The following THADA variants were observed in gnomAD, a reference collection of about 807,000 sequenced individuals.
THADA encodes the protein tRNA (32-2'-O)-methyltransferase regulator THADA.
In THADA, 213 loss-of-function variants were observed where a neutral mutation model predicts 219.8. The ratio of observed to expected loss-of-function variants is 0.97; its 90% CI spans 0.87 to 1.09. The LOEUF is 1.09. THADA is among the 50% of genes least tolerant of loss of function. The pLI, the probability that THADA is intolerant of heterozygous loss-of-function variation, is 0.00. For synonymous variants in THADA, 1,018 were observed against 828.9 expected (o/e 1.23, Z -3.92); for missense variants, 2,956 against 2,311.3 (o/e 1.28, Z -5.72).
At chr2:43,329,944 C>T (rs1416611413) in intron 30 of THADA, among the ~76,000 whole-genome samples, 1 of 152,202 alleles carries the variant, frequency 6.6e-6, no homozygotes, top group Non-Finnish European at 1.5e-5. Flanking sequence ...TTTATGTTTA[C>T]ACTTCCATTA....
rs1678566410 is a variant in THADA, at chr2:43,320,427, G to A, written c.4438+19C>T. On this transcript the variant is annotated intron_variant, in intron 31 of 37. Coordinates refer to ENST00000405975, the MANE Select transcript of THADA (RefSeq NM_022065.5). Reference sequence around the variant, plus strand: ...AGATGTGTAACGATTCCAAAATACAGTATAACTATGAATCATACCTGGCTG... The same window carrying A: ...AGATGTGTAACGATTCCAAAATACAATATAACTATGAATCATACCTGGCTG... The A allele has an allele frequency of 6.3e-7, 1 of 1,590,558 alleles. No individual in the cohort carries two copies.
chr2:43,316,055 C>G (rs191350432), intron 31 of THADA, among the ~76,000 whole-genome samples: 2 of 152,270 alleles, frequency 1.3e-5, no homozygotes, highest in Admixed American at 1.3e-4. Context: ...GTCCCTAGTG[C>G]TCTGAAGGCT....
Position 43,391,563 on chromosome 2 carries a change from G to C in THADA, c.4227+6408C>G, listed in dbSNP as rs560579109. 2.0e-5 allele frequency among the ~76,000 whole-genome samples: 3 copies of C among 152,168 alleles called. No homozygotes were observed. In the East Asian group the frequency reaches 5.8e-4, roughly 29 times the overall value. On this transcript the variant is annotated intron_variant, in intron 29 of 37. Transcript: ENST00000405975. ...GCTTATATCCAGAAAGGAATATATT[G>C]CCAAAAGGTAAGATTTAACAAGGTT...
At chr2:43,575,844 T>C (rs932356684) in intron 10 of THADA, among the ~76,000 whole-genome samples, 7 of 152,150 alleles carry the variant, frequency 4.6e-5, no homozygotes, top group Non-Finnish European at 1.0e-4. Flanking sequence ...CCTACACATG[T>C]AATTTAAAAG....
chr2:43,283,282 T>C (rs1215633216), intron 35 of THADA, among the ~76,000 whole-genome samples: 2 of 152,216 alleles, frequency 1.3e-5, no homozygotes, highest in East Asian at 1.9e-4. Flanking sequence ...GATAGTTCTA[T>C]ATAGGAGTGT....
chr2:43,239,558 C>G (rs1026462728), intron 36 of THADA, among the ~76,000 whole-genome samples: 1 of 152,262 alleles, frequency 6.6e-6, no homozygotes, highest in African/African-American at 2.4e-5. Flanking sequence ...AAGTGGATGT[C>G]TTCCAGGTGC....
At chr2:43,581,578 A>AC (rs1399032384) in intron 8 of THADA, among the ~76,000 whole-genome samples, 163 bp downstream of exon 8, 1 of 150,984 alleles carries the variant, frequency 6.6e-6, no homozygotes, top group East Asian at 1.9e-4. Flanking sequence ...AAAAAAAAAA[A>AC]CCATGTAGTC....
chr2:43,551,530 A>G (rs1217008266), intron 19 of THADA, among the ~76,000 whole-genome samples: 1 of 150,820 alleles, frequency 6.6e-6, no homozygotes, highest in African/African-American at 2.4e-5. Flanking sequence ...CTTATACAGT[A>G]TTATATAACT....
chr2:43,490,873 T>C (rs990217858), intron 25 of THADA, among the ~76,000 whole-genome samples: 1 of 152,102 alleles, frequency 6.6e-6, no homozygotes, highest in African/African-American at 2.4e-5. Flanking sequence ...TGCATCCTCC[T>C]CAAATTTGAG....
chr2:43,305,197 C>T (rs1343062944), intron 31 of THADA, among the ~76,000 whole-genome samples: 1 of 151,620 alleles, frequency 6.6e-6, no homozygotes, highest in South Asian at 2.2e-4. Context: ...GAAAAGGAAA[C>T]CATAGGAACA....
chr2:43,507,110 T>C, intron 23 of THADA, among the ~76,000 whole-genome samples: 1 of 152,194 alleles, frequency 6.6e-6, no homozygotes, highest in East Asian at 1.9e-4. Flanking sequence ...AATATAACTT[T>C]ATTAGTAAGT....
At chr2:43,407,038 G>T (rs927756228) in intron 28 of THADA, among the ~76,000 whole-genome samples, 2 of 152,192 alleles carry the variant, frequency 1.3e-5, no homozygotes, top group African/African-American at 4.8e-5. Flanking sequence ...AATAACACTT[G>T]GCCCCTCAGC....
intron 31 of THADA, among the ~76,000 whole-genome samples, chr2:43,311,216 G>A (rs769492810): frequency 2.0e-5 from 3 of 150,992 alleles, no homozygotes; most frequent in Non-Finnish European, 4.4e-5. Flanking sequence ...AATGCGCAAA[G>A]GATCTGAAGA....
At chr2:43,290,344 C>T (rs928967454) in intron 34 of THADA, among the ~76,000 whole-genome samples, 3 of 151,984 alleles carry the variant, frequency 2.0e-5, no homozygotes, top group Non-Finnish European at 4.4e-5. Flanking sequence ...CTCCACCCCA[C>T]CTGACTTTTC....
chr2:43,580,407 AAC>A (rs70965304), intron 8 of THADA, among the ~76,000 whole-genome samples: 26,752 of 152,018 alleles, frequency 0.18, 2,541 homozygotes, highest in Middle Eastern at 0.23. Context: ...TTTTTAGACT[AAC>A]ACAGTCCTCT....
intron 4 of THADA, 105 bp from the exon 5 acceptor site, chr2:43,587,107 A>C: frequency 8.3e-7 from 1 of 1,204,602 alleles, no homozygotes; most frequent in East Asian, 2.6e-5. Flanking sequence ...CTAAATCTTC[A>C]AAATACAGCC....
rs1437083136 is a variant in THADA, at chr2:43,545,613, T to C, written c.3106+3597A>G. Among the ~76,000 whole-genome samples, 4 of 152,250 alleles carry C rather than the reference T, an allele frequency of 2.6e-5. 1 individual carries two copies. Among genetic ancestry groups the C allele is most frequent in the Admixed American group, 2.6e-4 (4 of 15,286 alleles). Reference sequence around the variant, plus strand: ...TGGTTTAGTCGTGGGAGGGTGTATGTGTCGAGGAATTTATCCATTTCTTCT... The same window carrying C: ...TGGTTTAGTCGTGGGAGGGTGTATGCGTCGAGGAATTTATCCATTTCTTCT... On this transcript the variant is annotated intron_variant, in intron 20 of 37. Transcript: ENST00000405975.
chr2:43,310,230 C>A (rs1328804042), intron 31 of THADA, among the ~76,000 whole-genome samples: 13 of 122,592 alleles, frequency 1.1e-4, no homozygotes, highest in Admixed American at 2.7e-4. Context: ...TTTCCCGCCC[C>A]CCCCCCAAAC....
intron 17 of THADA, among the ~76,000 whole-genome samples, chr2:43,555,541 T>C (rs1697242820): frequency 6.6e-6 from 1 of 152,130 alleles, no homozygotes; most frequent in Non-Finnish European, 1.5e-5. Context: ...GCAGTCCTCT[T>C]CCCACTGTCT....
Sources: gnomAD v4.1 joint callset for allele counts (sites outside exome capture counted in the v4.1 genomes callset) on GRCh38, gnomAD v4.1.1 for gene constraint, MANE v1.5 for transcripts, NCBI Gene and HGNC (gene_info 2026-07-23, HGNC 2026-07-21) for gene names.